Variants in CBLN2 observed in about 807,000 individuals in gnomAD.
The protein encoded by CBLN2 is cerebellin-2.
CBLN2 carries 7 observed loss-of-function variants against 15.0 expected under a neutral mutation model. The ratio of observed to expected loss-of-function variants is 0.47; its 90% CI spans 0.27 to 0.88. The LOEUF (loss-of-function observed/expected upper bound fraction) is 0.88, where lower values mean the gene tolerates loss of function less well. Ranked by LOEUF, CBLN2 falls within the 40% of genes least tolerant of loss-of-function variation. The probability of loss-of-function intolerance (pLI) is 0.14; values close to 1 mark genes in which losing one functional copy is unlikely to be tolerated. For synonymous variants in CBLN2, 149 were observed against 135.2 expected (o/e 1.10, Z -0.71); for missense variants, 242 against 304.5 (o/e 0.79, Z 1.53).
At chr18:72,553,526 T>C (rs2069204858) in intron 1 of CBLN2, among the ~76,000 whole-genome samples, 1 of 152,176 alleles carries the variant, frequency 6.6e-6, no homozygotes, top group South Asian at 2.1e-4. Context: ...TACGTGTACA[T>C]ATATATTACA....
At chr18:72,629,814 A>G (rs1459247897) in intron 1 of CBLN2, among the ~76,000 whole-genome samples, 1 of 152,154 alleles carries the variant, frequency 6.6e-6, no homozygotes, top group Non-Finnish European at 1.5e-5. Flanking sequence ...AAAATATTGT[A>G]TAGATGTTTT....
chr18:72,560,984 G>C (rs1358204147), intron 1 of CBLN2, among the ~76,000 whole-genome samples: 2 of 152,030 alleles, frequency 1.3e-5, no homozygotes, highest in Non-Finnish European at 2.9e-5. Context: ...ACTCCCGCCT[G>C]GGTGACAGAG....
chr18:72,552,086 C>A (rs2069194955), intron 1 of CBLN2, among the ~76,000 whole-genome samples: 1 of 151,612 alleles, frequency 6.6e-6, no homozygotes, highest in African/African-American at 2.4e-5. Context: ...AAATGTCCAA[C>A]AGAGCAAGAT....
chr18:72,596,271 A>T (rs2069512932), intron 1 of CBLN2, among the ~76,000 whole-genome samples: 3 of 152,020 alleles, frequency 2.0e-5, no homozygotes, highest in Admixed American at 2.0e-4. Flanking sequence ...CACTGCATAA[A>T]CAAAAAATTA....
upstream of CBLN2, among the ~76,000 whole-genome samples, chr18:72,548,951 A>T (rs1488366866): frequency 6.6e-6 from 1 of 152,150 alleles, no homozygotes; most frequent in Non-Finnish European, 1.5e-5. Context: ...TGCTGGGTGG[A>T]GCCTGAAATT....
intron 1 of CBLN2, among the ~76,000 whole-genome samples, chr18:72,636,572 C>T (rs2069814171): frequency 6.6e-6 from 1 of 152,146 alleles, no homozygotes; most frequent in Non-Finnish European, 1.5e-5. Context: ...ATGGCAATGA[C>T]CCTCCCCTAG....
chr18:72,616,493 A>G (rs1480167071), intron 1 of CBLN2, among the ~76,000 whole-genome samples: 1 of 152,190 alleles, frequency 6.6e-6, no homozygotes, highest in Non-Finnish European at 1.5e-5. Flanking sequence ...ATGAGGGAAC[A>G]CAAGGGTGAG....
chr18:72,557,835 G>A (rs766880475), intron 1 of CBLN2, among the ~76,000 whole-genome samples: 7 of 152,108 alleles, frequency 4.6e-5, no homozygotes, highest in Non-Finnish European at 8.8e-5. Context: ...TGGGTTGATA[G>A]GTACAACAAG....
intron 1 of CBLN2, among the ~76,000 whole-genome samples, chr18:72,560,780 G>A (rs1019825299): frequency 1.5e-4 from 23 of 152,202 alleles, no homozygotes; most frequent in African/African-American, 2.2e-4. Flanking sequence ...AGGCCGAGGT[G>A]GGCGGATCAC....
intron 1 of CBLN2, among the ~76,000 whole-genome samples, chr18:72,635,335 G>C (rs982738250): frequency 6.6e-6 from 1 of 152,052 alleles, no homozygotes; most frequent in Non-Finnish European, 1.5e-5. Flanking sequence ...ATGCAAAATG[G>C]AACAAAACAC....
intron 1 of CBLN2, among the ~76,000 whole-genome samples, chr18:72,607,375 A>G (rs1158224524): frequency 6.6e-6 from 1 of 152,196 alleles, no homozygotes; most frequent in Non-Finnish European, 1.5e-5. Flanking sequence ...CCACTTGGAA[A>G]TGCACATGTG....
At chr18:72,609,255 C>T (rs531594916) in intron 1 of CBLN2, among the ~76,000 whole-genome samples, 8 of 152,116 alleles carry the variant, frequency 5.3e-5, no homozygotes, top group African/African-American at 1.7e-4. Flanking sequence ...TATGTTGTAT[C>T]TAAATCCACA....
chr18:72,571,485 G>A (rs1449110420), intron 1 of CBLN2, among the ~76,000 whole-genome samples: 3 of 152,292 alleles, frequency 2.0e-5, no homozygotes, highest in East Asian at 1.9e-4. Context: ...GGCGAAAGAC[G>A]TGGGGAAATT....
chr18:72,602,287 G>A (rs1013397024), intron 1 of CBLN2, among the ~76,000 whole-genome samples: 2 of 152,164 alleles, frequency 1.3e-5, no homozygotes, highest in Non-Finnish European at 1.5e-5. Flanking sequence ...GATGGTGGAC[G>A]GCAAAGCCTG....
intron 1 of CBLN2, among the ~76,000 whole-genome samples, chr18:72,627,280 G>A (rs2069746008): frequency 6.6e-6 from 1 of 152,180 alleles, no homozygotes; most frequent in Non-Finnish European, 1.5e-5. Context: ...TTCAGCAAAT[G>A]TAGCATAGCA....
At chr18:72,578,394 T>C (rs1167278330) in intron 1 of CBLN2, among the ~76,000 whole-genome samples, 3 of 152,148 alleles carry the variant, frequency 2.0e-5, no homozygotes, top group Non-Finnish European at 4.4e-5. Context: ...ATTGAGGTAA[T>C]GGAGACACCA....
intron 1 of CBLN2, among the ~76,000 whole-genome samples, chr18:72,573,030 G>A (rs982994034): frequency 1.2e-4 from 18 of 152,068 alleles, no homozygotes; most frequent in African/African-American, 4.3e-4. Context: ...TTTTCTATTT[G>A]TTTTGTGGCT....
rs72634438 is a variant in CBLN2, at chr18:72,562,475, C to G, written c.16-23703G>C. On this transcript the variant is annotated intron_variant, in intron 1 of 2. Transcript: ENST00000581073. Reference sequence around the variant, plus strand: ...AGAGGTAAGATATGGTCCAAATGACCCATTTAAGTATGATTTCTCAGTATA... The same window carrying G: ...AGAGGTAAGATATGGTCCAAATGACGCATTTAAGTATGATTTCTCAGTATA... 0.037 allele frequency among the ~76,000 whole-genome samples: 5,595 copies of G among 152,000 alleles called. 738 individuals carry two copies. In the East Asian group the frequency reaches 0.5, roughly 14 times the overall value.
At chr18:72,573,725 G>A (rs777331700) in intron 1 of CBLN2, among the ~76,000 whole-genome samples, 4 of 152,100 alleles carry the variant, frequency 2.6e-5, no homozygotes, top group Non-Finnish European at 4.4e-5. Context: ...TCAAGTTTTG[G>A]AAATTATGGA....
Sources: gnomAD v4.1 joint callset for allele counts (sites outside exome capture counted in the v4.1 genomes callset) on GRCh38, gnomAD v4.1.1 for gene constraint, MANE v1.5 for transcripts, NCBI Gene and HGNC (gene_info 2026-07-23, HGNC 2026-07-21) for gene names.